Variants in MYT1L observed in about 807,000 individuals in gnomAD.
MYT1L encodes the protein myelin transcription factor 1 like, also known as myelin transcription factor 1-like protein.
A neutral mutation model predicts 126.7 loss-of-function variants in MYT1L; 12 were observed. The observed-to-expected ratio is 0.09, with a 90% confidence interval of 0.06 to 0.15. The LOEUF is 0.15. MYT1L is among the 10% of genes least tolerant of loss of function. The pLI is 1.00. For missense variants in MYT1L, 979 were observed against 1,585.2 expected, an observed-to-expected ratio of 0.62 and a Z score of 6.49; for synonymous variants, 541 against 604.2, an observed-to-expected ratio of 0.90 and a Z score of 1.53.
At chr2:2,036,996 C>T (rs1194839598) in intron 4 of MYT1L, among the ~76,000 whole-genome samples, 1 of 152,202 alleles carries the variant, frequency 6.6e-6, no homozygotes, top group African/African-American at 2.4e-5. Context: ...CCTTGGTTCT[C>T]CCAATACACC....
intron 8 of MYT1L, among the ~76,000 whole-genome samples, chr2:1,978,170 A>C (rs1020519737): frequency 6.6e-6 from 1 of 152,116 alleles, no homozygotes; most frequent in Non-Finnish European, 1.5e-5. Context: ...GCTGGATGTC[A>C]CTCGTAAGCT....
chr2:2,244,565 T>C (rs904768911), intron 2 of MYT1L, among the ~76,000 whole-genome samples: 2 of 152,212 alleles, frequency 1.3e-5, no homozygotes, highest in Admixed American at 1.3e-4. Flanking sequence ...GTGATGAGGC[T>C]TGAAGCCCCT....
intron 3 of MYT1L, among the ~76,000 whole-genome samples, chr2:2,141,689 C>T (rs139357684): frequency 6.6e-6 from 1 of 152,290 alleles, no homozygotes; most frequent in East Asian, 1.9e-4. Context: ...AGAGTGCTCA[C>T]TCTTTGAGGA....
At chr2:1,968,450 C>G (rs1263320604) in intron 8 of MYT1L, among the ~76,000 whole-genome samples, 1 of 152,192 alleles carries the variant, frequency 6.6e-6, no homozygotes, top group African/African-American at 2.4e-5. Context: ...TCAGGAAATG[C>G]ATCCACGTGT....
chr2:1,994,375 C>T (rs1374525480), intron 5 of MYT1L, among the ~76,000 whole-genome samples: 3 of 151,350 alleles, frequency 2.0e-5, no homozygotes, highest in Non-Finnish European at 4.4e-5. Flanking sequence ...GGTTCAGGCC[C>T]TGCTCCCTCC....
At chr2:2,076,970 C>T (rs548695945) in intron 3 of MYT1L, among the ~76,000 whole-genome samples, 43 of 151,980 alleles carry the variant, frequency 2.8e-4, no homozygotes, top group African/African-American at 8.9e-4. Flanking sequence ...TTTTGCCTCA[C>T]CAAGTAGAGG....
intron 4 of MYT1L, among the ~76,000 whole-genome samples, chr2:2,033,607 A>G (rs1044820069): frequency 6.6e-5 from 10 of 151,970 alleles, no homozygotes; most frequent in African/African-American, 1.9e-4. Flanking sequence ...ATCAGGAACA[A>G]ACATTAAAAA....
Position 1,979,349 on chromosome 2 carries a change from G to C in MYT1L, c.90-122C>G. On this transcript the variant is annotated intron_variant, in intron 7 of 24. Transcript: ENST00000647738. This position sits in a 1 kb window ranked among gnomAD's most constrained non-coding sequence, Gnocchi z 4.0. Reference sequence around the variant, plus strand: ...AGGAGAGAAATCACACAATCCAAAGGAGGGGGAAATTCGGGGAGGCTTTTT... The same window carrying C: ...AGGAGAGAAATCACACAATCCAAAGCAGGGGGAAATTCGGGGAGGCTTTTT... 8.9e-7 allele frequency: 1 copy of C among 1,119,558 alleles called. No homozygotes were observed. Among genetic ancestry groups the C allele is most frequent in the Non-Finnish European group, 1.3e-6 (1 of 752,172 alleles). 69.4% of individuals were successfully genotyped at this position (1,119,558 alleles called of 1,614,324 possible).
chr2:1,845,193 C>T (rs1160138785), intron 19 of MYT1L, among the ~76,000 whole-genome samples: 2 of 152,064 alleles, frequency 1.3e-5, no homozygotes, highest in African/African-American at 2.4e-5. Context: ...TAGCTGATCT[C>T]GAACTCCTGG....
intron 3 of MYT1L, among the ~76,000 whole-genome samples, chr2:2,094,312 T>C (rs111611605): frequency 0.066 from 10,082 of 152,228 alleles, 384 homozygotes; most frequent in African/African-American, 0.088. Context: ...CACTTTTACA[T>C]TGTTGGTGGG....
intron 3 of MYT1L, among the ~76,000 whole-genome samples, chr2:2,094,199 C>T (rs915540147): frequency 6.6e-6 from 1 of 152,150 alleles, no homozygotes; most frequent in African/African-American, 2.4e-5. Flanking sequence ...CAGAGAAATG[C>T]AAATCAAAAC....
intron 18 of MYT1L, among the ~76,000 whole-genome samples, chr2:1,877,015 C>A (rs2046994672): frequency 6.6e-6 from 1 of 152,160 alleles, no homozygotes; most frequent in African/African-American, 2.4e-5. Context: ...CAGAGAACAC[C>A]ACACAGTCAG....
chr2:2,149,980 G>T (rs929188157), intron 3 of MYT1L, among the ~76,000 whole-genome samples: 2 of 152,160 alleles, frequency 1.3e-5, no homozygotes, highest in Non-Finnish European at 2.9e-5. Context: ...TGTCAACATA[G>T]TGATCACATC....
At chr2:2,285,904 C>T (rs1176951299) in intron 1 of MYT1L, among the ~76,000 whole-genome samples, 1 of 152,216 alleles carries the variant, frequency 6.6e-6, no homozygotes, top group Non-Finnish European at 1.5e-5. Flanking sequence ...AGGGTGCTTT[C>T]TGCTGCTGCA....
intron 8 of MYT1L, among the ~76,000 whole-genome samples, chr2:1,948,802 C>T (rs1361903839): frequency 6.6e-6 from 1 of 152,150 alleles, no homozygotes; most frequent in Admixed American, 6.5e-5. Flanking sequence ...ACAAAGGCAG[C>T]CCTTTGTATT....
chr2:2,087,870 A>T (rs942674437), intron 3 of MYT1L, among the ~76,000 whole-genome samples: 1 of 152,234 alleles, frequency 6.6e-6, no homozygotes, highest in Non-Finnish European at 1.5e-5. Context: ...GCTTGCTAAC[A>T]TGGGAACCAT....
At chr2:2,138,587 C>T (rs1477909017) in intron 3 of MYT1L, among the ~76,000 whole-genome samples, 4 of 139,642 alleles carry the variant, frequency 2.9e-5, no homozygotes, top group African/African-American at 8.1e-5. Context: ...AGTAAACTAT[C>T]GCAAGAACAA....
chr2:2,008,375 C>T (rs1266613903), intron 4 of MYT1L, among the ~76,000 whole-genome samples: 1 of 152,202 alleles, frequency 6.6e-6, no homozygotes, highest in African/African-American at 2.4e-5. Flanking sequence ...GTGCAGTGGG[C>T]AGGAAGAACA....
At chr2:2,233,831 C>T (rs564084855) in intron 2 of MYT1L, among the ~76,000 whole-genome samples, 2 of 152,314 alleles carry the variant, frequency 1.3e-5, no homozygotes, top group African/African-American at 2.4e-5. Context: ...CTGCCAAGCT[C>T]GTGGCCTTTA....
Sources: gnomAD v4.1 joint callset for allele counts (sites outside exome capture counted in the v4.1 genomes callset) on GRCh38, gnomAD v4.1.1 for gene constraint, Gnocchi (gnomAD v3.1) non-coding constraint, MANE v1.5 for transcripts, NCBI Gene and HGNC (gene_info 2026-07-23, HGNC 2026-07-21) for gene names.